Variants in HDX observed in about 807,000 individuals in gnomAD.
HDX encodes the protein chromosome X open reading frame 43.
In HDX, 19 loss-of-function variants were observed where a neutral mutation model predicts 45.2. That is an observed-to-expected ratio of 0.42 (90% CI 0.29 to 0.62). The LOEUF is 0.62. HDX is among the 20% of genes least tolerant of loss of function. The probability of loss-of-function intolerance (pLI) is 0.20; values close to 1 mark genes in which losing one functional copy is unlikely to be tolerated. For missense variants in HDX, 532 were observed against 493.9 expected, an observed-to-expected ratio of 1.08 and a Z score of -0.73; for synonymous variants, 188 against 172.8, an observed-to-expected ratio of 1.09 and a Z score of -0.69.
Position 84,377,938 on chromosome X carries a change from G to A in HDX, c.1306-16326C>T, listed in dbSNP as rs190491274. ...CATCAACTAGATATAACCCAAAGAA[G>A]ACTACCTCAAGGCATTTACTAATCA... On this transcript the variant is annotated intron_variant, in intron 5 of 10. Coordinates refer to ENST00000373177, the MANE Select transcript of HDX (RefSeq NM_001177479.2). Among the ~76,000 whole-genome samples, 11 of 110,915 alleles carry A rather than the reference G, an allele frequency of 9.9e-5. No homozygotes were observed. The East Asian group carries it at 3.2e-3, about 32-fold the overall frequency.
intron 9 of HDX, among the ~76,000 whole-genome samples, chrX:84,328,783 A>G (rs2036778089): frequency 8.9e-6 from 1 of 112,006 alleles, no homozygotes; most frequent in Non-Finnish European, 1.9e-5. Context: ...CAACCTCTAT[A>G]AAATCCTTGA....
At chrX:84,340,198 C>A (rs183330905) in intron 7 of HDX, among the ~76,000 whole-genome samples, 1 of 110,970 alleles carries the variant, frequency 9.0e-6, no homozygotes, top group African/African-American at 3.3e-5. Context: ...ATGAGTGGAA[C>A]TGAAACTGCT....
At chrX:84,371,178 T>C (rs1237586723) in intron 5 of HDX, among the ~76,000 whole-genome samples, 1 of 111,797 alleles carries the variant, frequency 8.9e-6, no homozygotes, top group South Asian at 3.8e-4. Context: ...ATCCAGAAAA[T>C]CCTGTATTTG....
chrX:84,471,624 G>T (rs2040457705), intron 3 of HDX, among the ~76,000 whole-genome samples: 1 of 109,210 alleles, frequency 9.2e-6, no homozygotes, highest in South Asian at 3.9e-4. Flanking sequence ...TACATGTAGT[G>T]GTTAGAAACT....
chrX:84,410,102 G>A (rs1015927614), intron 5 of HDX, among the ~76,000 whole-genome samples: 22 of 101,385 alleles, frequency 2.2e-4, no homozygotes, highest in Admixed American at 1.9e-3. Context: ...CATCTGCAAA[G>A]AGAAACAGTT....
intron 6 of HDX, 148 bp from the exon 7 acceptor site, chrX:84,344,605 C>T: frequency 2.6e-6 from 1 of 391,778 alleles, no homozygotes; most frequent in Non-Finnish European, 4.5e-6. Context: ...TGTCAATACG[C>T]TAAAATAAAA....
At chrX:84,384,352 G>T (rs1162805108) in intron 5 of HDX, among the ~76,000 whole-genome samples, 1 of 109,870 alleles carries the variant, frequency 9.1e-6, no homozygotes, top group Non-Finnish European at 1.9e-5. Context: ...TCCTTTTCGT[G>T]TCTTTGCCCA....
chrX:84,468,219 G>C (rs1380243351), intron 4 of HDX, among the ~76,000 whole-genome samples: 2 of 111,120 alleles, frequency 1.8e-5, no homozygotes, highest in Admixed American at 9.6e-5. Flanking sequence ...CTCATTTCCA[G>C]AACAAAATCA....
intron 4 of HDX, among the ~76,000 whole-genome samples, chrX:84,455,172 C>T (rs1043347524): frequency 8.1e-5 from 9 of 111,576 alleles, no homozygotes; most frequent in South Asian, 3.8e-4. Flanking sequence ...CAGGCACAGA[C>T]GAACATCCAC....
intron 4 of HDX, among the ~76,000 whole-genome samples, chrX:84,446,287 T>A (rs1421256578): frequency 8.9e-6 from 1 of 112,087 alleles, no homozygotes; most frequent in African/African-American, 3.2e-5. Context: ...AAAAAAGCTC[T>A]TTACTAATTT....
intron 6 of HDX, among the ~76,000 whole-genome samples, chrX:84,350,253 A>T (rs1299904722): frequency 1.8e-5 from 2 of 110,703 alleles, no homozygotes; most frequent in Non-Finnish European, 3.8e-5. Context: ...GTGGTCCAGG[A>T]TTTACTCTTT....
intron 6 of HDX, among the ~76,000 whole-genome samples, chrX:84,357,001 G>C (rs2037503788): frequency 9.0e-6 from 1 of 111,267 alleles, no homozygotes; most frequent in Non-Finnish European, 1.9e-5. Context: ...TTGCAGTATG[G>C]CTGTCTCAAG....
chrX:84,480,154 G>C (rs759699979), intron 2 of HDX, among the ~76,000 whole-genome samples: 1 of 111,295 alleles, frequency 9.0e-6, no homozygotes, highest in South Asian at 3.8e-4. Context: ...ATTTCCAATT[G>C]TTCATTGCTA....
At position 84,321,932 on chromosome X, in the gene HDX, C is replaced by T. The variant is rs1394705644; in HGVS notation, c.2030G>A (p.Ser677Asn). 1.7e-6 allele frequency: 2 copies of T among 1,182,452 alleles called. No homozygotes were observed. Among genetic ancestry groups the T allele is most frequent in the Admixed American group, 4.5e-5 (2 of 44,830 alleles). The part of the protein sequence containing the change: ...ASLEPDDTSF[S>N]VSSLSEKNVS... The stretch of plus-strand genomic sequence containing the variant: ...ATTTTTCTCTGACAAAGAAGATACA[C>T]TGAATGAGGTATCATCAGGCTCCAG... Residue 677 changes from serine to asparagine, a missense_variant, in exon 11 of 11, where the codon AGT becomes AAT. Ser to Asn is a conservative substitution (Grantham distance 46). Around this residue, in one of 3 missense-constraint regions of HDX, gnomAD observed 151 missense variants for 131.8 expected, o/e 1.15. Transcript: ENST00000373177.
At chrX:84,385,516 T>A (rs893687404) in intron 5 of HDX, among the ~76,000 whole-genome samples, 42 of 110,184 alleles carry the variant, frequency 3.8e-4, no homozygotes, top group Non-Finnish European at 4.9e-4. Flanking sequence ...CCCGGCCTCA[T>A]CTCTGATTTC....
chrX:84,420,091 G>C (rs967990032), intron 5 of HDX, among the ~76,000 whole-genome samples: 5 of 111,501 alleles, frequency 4.5e-5, no homozygotes, highest in African/African-American at 1.6e-4. Flanking sequence ...TCAATTCCCA[G>C]ACACTGAAAA....
At chrX:84,468,276 C>T (rs2040390526) in intron 4 of HDX, among the ~76,000 whole-genome samples, 196 bp downstream of exon 4, 1 of 111,102 alleles carries the variant, frequency 9.0e-6, no homozygotes, top group African/African-American at 3.3e-5. Flanking sequence ...TGACTATATT[C>T]CATGAAAAAA....
At chrX:84,385,570 C>T (rs771683904) in intron 5 of HDX, among the ~76,000 whole-genome samples, 6 of 110,423 alleles carry the variant, frequency 5.4e-5, no homozygotes, top group African/African-American at 2.0e-4. Context: ...CATCTTTCAC[C>T]TTCTTGGTGA....
intron 5 of HDX, among the ~76,000 whole-genome samples, chrX:84,407,560 A>G (rs1448488415): frequency 9.0e-6 from 1 of 111,243 alleles, no homozygotes; most frequent in Non-Finnish European, 1.9e-5. Flanking sequence ...ATTTATATTC[A>G]TTTGTGTTCA....
Sources: gnomAD v4.1 joint callset for allele counts (sites outside exome capture counted in the v4.1 genomes callset) on GRCh38, gnomAD v4.1.1 for gene constraint, gnomAD v4.1.1 regional missense constraint, MANE v1.5 for transcripts, NCBI Gene and HGNC (gene_info 2026-07-23, HGNC 2026-07-21) for gene names.